Variants in TAB1 observed in about 807,000 individuals in gnomAD.
TAB1 encodes the protein TGF-beta activated kinase 1 (MAP3K7) binding protein 1.
Under a neutral mutation model 54.5 loss-of-function variants are expected in TAB1, and 30 were observed. The ratio of observed to expected loss-of-function variants is 0.55; its 90% CI spans 0.41 to 0.75. The LOEUF (loss-of-function observed/expected upper bound fraction) is 0.75. Among genes scored for constraint, TAB1 ranks in the 30% least tolerant of loss-of-function variants. The pLI is 0.00. For synonymous variants in TAB1, 289 were observed against 286.9 expected (o/e 1.01, Z -0.07); for missense variants, 609 against 683.2 (o/e 0.89, Z 1.21).
At chr22:39,425,886 T>G (rs1370261617) in intron 8 of TAB1, among the ~76,000 whole-genome samples, 1 of 151,478 alleles carries the variant, frequency 6.6e-6, no homozygotes, top group Non-Finnish European at 1.5e-5. Context: ...TTTTTTTTTT[T>G]TTTTGAGACA....
chr22:39,417,879 G>T (rs1273481218), intron 5 of TAB1, 30 bp downstream of exon 5: 9 of 1,577,596 alleles, frequency 5.7e-6, no homozygotes, highest in Non-Finnish European at 7.7e-6. Context: ...AGGGCAGGGA[G>T]GACTGGGGAG....
chr22:39,419,490 C>G (rs1158046998), intron 6 of TAB1, 29 bp from the exon 7 acceptor site: 2 of 1,531,848 alleles, frequency 1.3e-6, no homozygotes, highest in Non-Finnish European at 1.8e-6. Context: ...GAACAAGAAG[C>G]AGGATTGTTG....
In TAB1 at chr22:39,431,104, G is replaced by A. The variant is rs886161953; in HGVS notation, c.*882G>A. The A allele has an allele frequency of 1.0e-6, 1 of 985,816 alleles. No homozygotes were observed. The highest frequency in any genetic ancestry group is 1.2e-6 in the Non-Finnish European group (1 of 830,202). 61.1% of individuals were successfully genotyped at this position (985,816 alleles called of 1,614,324 possible). A position where few individuals can be genotyped will look rare whatever the true frequency, so the allele number is the denominator to read the frequency against. On this transcript the variant is annotated 3_prime_UTR_variant, in exon 11 of 11. Transcript: ENST00000216160. Reference sequence around the variant, plus strand: ...GATGAGGGGCCTCTGCCGGCTGAGGGTAGCAAGCAGGGGTTGTGAGTCAGG... The same window carrying A: ...GATGAGGGGCCTCTGCCGGCTGAGGATAGCAAGCAGGGGTTGTGAGTCAGG...
chr22:39,417,132 A>G (rs1343037623), intron 4 of TAB1, among the ~76,000 whole-genome samples: 2 of 152,186 alleles, frequency 1.3e-5, no homozygotes, highest in Non-Finnish European at 2.9e-5. Context: ...TTCGTCCTGA[A>G]TGGGTCCCCG....
At chr22:39,412,138 C>T (rs1037217370) in intron 1 of TAB1, among the ~76,000 whole-genome samples, 6 of 152,154 alleles carry the variant, frequency 3.9e-5, no homozygotes, top group Non-Finnish European at 8.8e-5. Flanking sequence ...CTCTCAGGTT[C>T]AGGTGATTCT....
intron 1 of TAB1, among the ~76,000 whole-genome samples, chr22:39,410,820 A>G (rs1216931537): frequency 6.6e-6 from 1 of 152,224 alleles, no homozygotes; most frequent in Non-Finnish European, 1.5e-5. Context: ...TAAAAATCCC[A>G]ACAAGACTTG....
At position 39,415,271 on chromosome 22, in the gene TAB1, G is replaced by A. The variant is rs1926774430; in HGVS notation, c.170+129G>A. 7.2e-6 allele frequency: 9 copies of A among 1,252,440 alleles called. No homozygotes were observed. Among genetic ancestry groups the A allele is most frequent in the Non-Finnish European group, 9.9e-6 (9 of 913,114 alleles). 77.6% of individuals were successfully genotyped at this position (1,252,440 alleles called of 1,614,324 possible). ...ATGTGGCCCGTGAGAGGTGGCCTCT[G>A]CTGCTGTCTTGCCAAGGGCCTGCTC... On this transcript the variant is annotated intron_variant, in intron 2 of 10. Coordinates refer to ENST00000216160, the MANE Select transcript of TAB1 (RefSeq NM_006116.3). The surrounding 1 kb of genome is among the most constrained non-coding windows in gnomAD (Gnocchi z 4.9).
At chr22:39,436,653 G>T, downstream of TAB1, 1 of 1,141,306 alleles carries the variant, frequency 8.8e-7, no homozygotes, top group East Asian at 2.4e-5. Context: ...TTGTGCACTG[G>T]GATCTTCTCG....
chr22:39,414,841 C>A (rs1332906020), intron 1 of TAB1, 165 bp from the exon 2 acceptor site: 13 of 691,608 alleles, frequency 1.9e-5, no homozygotes, highest in Non-Finnish European at 3.0e-5. Context: ...GCAAACCCTT[C>A]TGCAGGTGTC....
intron 1 of TAB1, among the ~76,000 whole-genome samples, chr22:39,410,809 A>G (rs1323376290): frequency 2.0e-5 from 3 of 152,238 alleles, no homozygotes; most frequent in Admixed American, 6.5e-5. Flanking sequence ...AGCAGTTCCA[A>G]TAAAAATCCC....
At chr22:39,424,337 A>G (rs1927224710) in intron 8 of TAB1, among the ~76,000 whole-genome samples, 1 of 149,342 alleles carries the variant, frequency 6.7e-6, no homozygotes, top group Admixed American at 6.7e-5. Flanking sequence ...ATAATGACTT[A>G]TTTTCCTTTA....
chr22:39,409,390 G>A (rs1400552229), intron 1 of TAB1, among the ~76,000 whole-genome samples: 1 of 152,230 alleles, frequency 6.6e-6, no homozygotes, highest in East Asian at 1.9e-4. Context: ...ACATTTATCA[G>A]TTACCTGAAG....
In TAB1 at chr22:39,415,296, C is replaced by G. The variant is rs1317750787; in HGVS notation, c.170+154C>G. Among the ~76,000 whole-genome samples the G allele has an allele frequency of 6.6e-6, 1 of 152,204 alleles. No homozygotes were observed. Among genetic ancestry groups the G allele is most frequent in the East Asian group, 1.9e-4 (1 of 5,202 alleles). Reference sequence around the variant, plus strand: ...GCTGCTGTCTTGCCAAGGGCCTGCTCTGATGGGGTAGCGTGAGCATGGGGA... The same window carrying G: ...GCTGCTGTCTTGCCAAGGGCCTGCTGTGATGGGGTAGCGTGAGCATGGGGA... On this transcript the variant is annotated intron_variant, in intron 2 of 10. Transcript: ENST00000216160. This position sits in a 1 kb window ranked among gnomAD's most constrained non-coding sequence, Gnocchi z 4.9.
At chr22:39,413,646 A>G (rs1032506645) in intron 1 of TAB1, among the ~76,000 whole-genome samples, 4 of 152,048 alleles carry the variant, frequency 2.6e-5, no homozygotes, top group African/African-American at 9.7e-5. Context: ...GCCGGTCTCA[A>G]ATTTCTGACA....
At position 39,415,382 on chromosome 22, in the gene TAB1, G is replaced by A. The variant is rs906963345; in HGVS notation, c.171-118G>A. On this transcript the variant is annotated intron_variant, in intron 2 of 10. Transcript: ENST00000216160. This position sits in a 1 kb window ranked among gnomAD's most constrained non-coding sequence, Gnocchi z 4.9. Reference sequence around the variant, plus strand: ...TGATGGCTAAAGCAGGGGGACCCAGGAGGGCCCCTGAAGCTGCAGCTGCTG... The same window carrying A: ...TGATGGCTAAAGCAGGGGGACCCAGAAGGGCCCCTGAAGCTGCAGCTGCTG... 3 of 1,275,554 alleles carry A rather than the reference G, an allele frequency of 2.4e-6. No individual in the cohort carries two copies. Among genetic ancestry groups the A allele is most frequent in the African/African-American group, 1.5e-5 (1 of 67,462 alleles). 79.0% of individuals were successfully genotyped at this position (1,275,554 alleles called of 1,614,324 possible).
chr22:39,421,823 A>G lies in TAB1; in HGVS notation c.777-4A>G, dbSNP rs771121870. On this transcript the variant is annotated splice_polypyrimidine_tract_variant and splice_region_variant and intron_variant, in intron 7 of 10. Coordinates refer to ENST00000216160, the MANE Select transcript of TAB1 (RefSeq NM_006116.3). ...AAGCTCTTCCTTCCACTCTCTCCCC[A>G]TAGCGCTGCCAAGTCCAAACCAATC... The G allele has an allele frequency of 2.2e-5, 36 of 1,613,954 alleles. No individual in the cohort carries two copies. Among genetic ancestry groups the G allele is most frequent in the South Asian group, 1.3e-4 (12 of 91,070 alleles).
intron 3 of TAB1, among the ~76,000 whole-genome samples, chr22:39,416,506 C>T (rs990377791): frequency 3.9e-5 from 6 of 152,240 alleles, no homozygotes; most frequent in Admixed American, 1.3e-4. Context: ...AGCCTTTGCT[C>T]TTAGCTTCCG....
chr22:39,399,853 T>A lies in TAB1; in HGVS notation c.33+18T>A. ...TGCAGAGTGTGAGGAACAGGCCCGC[T>A]CTCTGGGCTTGGGGTTGGGAGCCTG... On this transcript the variant is annotated intron_variant, in intron 1 of 10. Coordinates refer to ENST00000216160, the MANE Select transcript of TAB1 (RefSeq NM_006116.3). 1 of 1,590,654 alleles carries A rather than the reference T, an allele frequency of 6.3e-7. No homozygotes were observed. Among genetic ancestry groups the A allele is most frequent in the Non-Finnish European group, 8.6e-7 (1 of 1,168,936 alleles).
downstream of TAB1, among the ~76,000 whole-genome samples, chr22:39,434,385 T>C (rs1342303056): frequency 2.0e-5 from 3 of 152,270 alleles, no homozygotes; most frequent in Non-Finnish European, 2.9e-5. Context: ...TTCTGGCCTC[T>C]TCACAGCCGA....
Sources: gnomAD v4.1 joint callset for allele counts (sites outside exome capture counted in the v4.1 genomes callset) on GRCh38, gnomAD v4.1.1 for gene constraint, Gnocchi (gnomAD v3.1) non-coding constraint, MANE v1.5 for transcripts, NCBI Gene and HGNC (gene_info 2026-07-23, HGNC 2026-07-21) for gene names.